Variants in RP2 observed in about 807,000 individuals in gnomAD.
RP2 encodes protein XRP2.
In RP2, 3 loss-of-function variants were observed where a neutral mutation model predicts 20.3. The observed-to-expected ratio is 0.15, with a 90% CI of 0.07 to 0.38. The LOEUF (loss-of-function observed/expected upper bound fraction) is 0.38. Ranked by LOEUF, RP2 falls within the 10% of genes least tolerant of loss-of-function variation. RP2 has a pLI of 1.00. For synonymous variants in RP2, 75 were observed against 94.8 expected (o/e 0.79, Z 1.22); for missense variants, 233 against 268.5 (o/e 0.87, Z 0.92).
chrX:46,847,818 A>ATG (rs1214166274), intron 1 of RP2, among the ~76,000 whole-genome samples: 94 of 79,621 alleles, frequency 1.2e-3, no homozygotes, highest in Admixed American at 3.1e-3. Flanking sequence ...ACACACATAT[A>ATG]TGTGTATATG....
At chrX:46,865,705 G>A (rs1170786983) in intron 3 of RP2, among the ~76,000 whole-genome samples, 9 of 112,064 alleles carry the variant, frequency 8.0e-5, no homozygotes, top group Non-Finnish European at 1.3e-4. Context: ...TGAGGCAGGC[G>A]GATCACGAGG....
chrX:46,847,745 T>TGTGTGTGTGTATATACACAC (rs1924755284), intron 1 of RP2, among the ~76,000 whole-genome samples: 1 of 80,050 alleles, frequency 1.2e-5, no homozygotes, highest in African/African-American at 5.8e-5. Flanking sequence ...TACACACATA[T>TGTGTGTGTGTATATACACAC]GTGTGTGTGT....
At chrX:46,841,439 C>T (rs571925572) in intron 1 of RP2, among the ~76,000 whole-genome samples, 1 of 112,156 alleles carries the variant, frequency 8.9e-6, no homozygotes, top group Non-Finnish European at 1.9e-5. Context: ...GTTGACTCTG[C>T]TCAATGTGGC....
chrX:46,858,225 A>T (rs1456930407), intron 2 of RP2, among the ~76,000 whole-genome samples: 2 of 111,783 alleles, frequency 1.8e-5, no homozygotes, highest in African/African-American at 6.5e-5. Flanking sequence ...GATTAACAGC[A>T]GGGTTTTCTT....
intron 1 of RP2, among the ~76,000 whole-genome samples, chrX:46,837,616 A>G (rs1924539421): frequency 9.0e-6 from 1 of 111,648 alleles, no homozygotes; most frequent in Non-Finnish European, 1.9e-5. Flanking sequence ...AGTTACGTAT[A>G]TGGGACCGAT....
chrX:46,839,031 A>C (rs1924565632), intron 1 of RP2, among the ~76,000 whole-genome samples: 1 of 111,887 alleles, frequency 8.9e-6, no homozygotes, highest in Admixed American at 9.6e-5. Context: ...CAACTCAGCC[A>C]ATCAAAATGA....
intron 1 of RP2, among the ~76,000 whole-genome samples, chrX:46,847,688 A>T (rs1556316524): frequency 1.0e-5 from 1 of 96,319 alleles, no homozygotes; most frequent in Non-Finnish European, 2.1e-5. Flanking sequence ...ATCACACTAT[A>T]TATATGTGTG....
Position 46,856,314 on chromosome X carries a change from A to G in RP2, c.768+2173A>G, listed in dbSNP as rs782242799. Among the ~76,000 whole-genome samples, 2 of 111,785 alleles carry G rather than the reference A, an allele frequency of 1.8e-5. 1 individual carries two copies. The highest frequency in any genetic ancestry group is 7.4e-4 in the South Asian group (2 of 2,698). On this transcript the variant is annotated intron_variant, in intron 2 of 4. Coordinates refer to ENST00000218340, the MANE Select transcript of RP2 (RefSeq NM_006915.3). ...AACCTTTTAACCTTTGGTATCTGGT[A>G]TGTGAAATGGCAGTGTTGTGTGCCC... is the stretch of plus-strand genomic sequence containing the variant.
At chrX:46,851,644 G>C (rs1199250057) in intron 1 of RP2, among the ~76,000 whole-genome samples, 1 of 98,869 alleles carries the variant, frequency 1.0e-5, no homozygotes. Flanking sequence ...CTCAAAAAAA[G>C]AAAAAGGCCG....
chrX:46,851,165 G>A lies in RP2; in HGVS notation c.103-2311G>A, dbSNP rs190682513. ...AAATTTTTACATATTGTATATATGG[G>A]AGCCTATGGTGCATGAATGGTTTTG... On this transcript the variant is annotated intron_variant, in intron 1 of 4. Coordinates refer to ENST00000218340, the MANE Select transcript of RP2 (RefSeq NM_006915.3). Among the ~76,000 whole-genome samples the A allele has an allele frequency of 2.7e-4, 30 of 111,610 alleles. No individual in the cohort carries two copies. In the Admixed American group the frequency reaches 2.9e-3, roughly 11 times the overall value.
intron 2 of RP2, 42 bp downstream of exon 2, chrX:46,854,183 A>G: frequency 4.4e-6 from 5 of 1,131,237 alleles, no homozygotes; most frequent in Non-Finnish European, 6.0e-6. Flanking sequence ...ACCTAGATTT[A>G]AAAATGTACC....
At chrX:46,847,519 ATATGTATG>A (rs782013134) in intron 1 of RP2, among the ~76,000 whole-genome samples, 1 of 106,371 alleles carries the variant, frequency 9.4e-6, no homozygotes, top group Non-Finnish European at 1.9e-5. Flanking sequence ...CACTATATGT[ATATGTATG>A]TATGTATGTA....
At chrX:46,869,121 C>A (rs910533342) in intron 3 of RP2, among the ~76,000 whole-genome samples, 2 of 109,031 alleles carry the variant, frequency 1.8e-5, no homozygotes, top group Non-Finnish European at 3.8e-5. Context: ...ACAAAAACAT[C>A]GATGTCAGGT....
chrX:46,851,790 G>C (rs1183171068), intron 1 of RP2, among the ~76,000 whole-genome samples: 1 of 112,206 alleles, frequency 8.9e-6, no homozygotes, highest in Non-Finnish European at 1.9e-5. Flanking sequence ...ACAGGGGCCA[G>C]GCGTGGTGGC....
chrX:46,867,376 C>T (rs1925192582), intron 3 of RP2, among the ~76,000 whole-genome samples: 1 of 113,142 alleles, frequency 8.8e-6, no homozygotes, highest in Admixed American at 9.3e-5. Flanking sequence ...GCTGGGATTA[C>T]AGGCGTGAGC....
chrX:46,843,628 G>A (rs1924663829), intron 1 of RP2, among the ~76,000 whole-genome samples: 1 of 111,906 alleles, frequency 8.9e-6, no homozygotes, highest in South Asian at 3.7e-4. Context: ...CAAAGGGAAT[G>A]TGATAGGATG....
At position 46,882,003 on chromosome X, in the gene RP2, A is replaced by T. The variant is rs1306671030; in HGVS notation, c.*2234A>T. On this transcript the variant is annotated 3_prime_UTR_variant, in exon 5 of 5. Coordinates refer to ENST00000218340, the MANE Select transcript of RP2 (RefSeq NM_006915.3). ...ATTTTGTATTCTTCTGTTAGATAAG[A>T]CCTTTTACCCATTTAATTTGTCTTT... 1.8e-5 allele frequency: 2 copies of T among 111,656 alleles called. No individual in the cohort carries two copies. The highest frequency in any genetic ancestry group is 3.8e-5 in the Non-Finnish European group (2 of 53,164). 9.2% of individuals were successfully genotyped at this position (111,656 alleles called of 1,213,427 possible).
chrX:46,867,123 A>G (rs909539024), intron 3 of RP2, among the ~76,000 whole-genome samples: 2 of 110,603 alleles, frequency 1.8e-5, no homozygotes, highest in Non-Finnish European at 1.9e-5. Context: ...TTTTTTGACA[A>G]GGAGTCTCGC....
At chrX:46,863,818 A>T (rs943976330) in intron 3 of RP2, among the ~76,000 whole-genome samples, 1 of 111,494 alleles carries the variant, frequency 9.0e-6, no homozygotes, top group African/African-American at 3.3e-5. Flanking sequence ...TTATTTATTT[A>T]TTTCTTTTGA....
Sources: allele counts gnomAD v4.1 joint callset (sites outside exome capture counted in the v4.1 genomes callset), GRCh38; gene constraint gnomAD v4.1.1; transcripts MANE v1.5; gene names NCBI Gene and HGNC (gene_info 2026-07-23, HGNC 2026-07-21).